Variants in NTM observed in about 807,000 individuals in gnomAD.
NTM encodes neurotrimin.
NTM carries 13 observed loss-of-function variants against 42.1 expected under a neutral mutation model. The observed-to-expected ratio is 0.31, with a 90% CI of 0.20 to 0.49. The LOEUF (loss-of-function observed/expected upper bound fraction) is 0.49. Among genes scored for constraint, NTM ranks in the 20% least tolerant of loss-of-function variants. NTM has a pLI of 0.99. For synonymous variants in NTM, 187 were observed against 179.2 expected (o/e 1.04, Z -0.35); for missense variants, 373 against 452.8 (o/e 0.82, Z 1.60).
At chr11:131,651,356 T>C (rs879668372) in intron 1 of NTM, among the ~76,000 whole-genome samples, 6 of 152,198 alleles carry the variant, frequency 3.9e-5, no homozygotes, top group Non-Finnish European at 7.3e-5. Context: ...ATTAAAAACA[T>C]TTATGGAGAA....
intron 1 of NTM, among the ~76,000 whole-genome samples, chr11:131,549,334 A>ATAT (rs1191914263): frequency 4.6e-5 from 7 of 152,312 alleles, no homozygotes; most frequent in African/African-American, 1.4e-4. Context: ...AATTATGTCT[A>ATAT]GGGTCACACC....
At chr11:131,811,564 G>T (rs1163327925) in intron 1 of NTM, among the ~76,000 whole-genome samples, 1 of 152,240 alleles carries the variant, frequency 6.6e-6, no homozygotes, top group African/African-American at 2.4e-5. Context: ...AGGGAGGGCT[G>T]CAGAGCAAGT....
At chr11:131,405,835 C>G (rs2218671) in intron 1 of NTM, among the ~76,000 whole-genome samples, 73,777 of 151,970 alleles carry the variant, frequency 0.49, 18,766 homozygotes, top group East Asian at 0.85. Flanking sequence ...TCCACTAACC[C>G]TGTCCCTCCT....
At chr11:131,627,105 A>C (rs907642474) in intron 1 of NTM, among the ~76,000 whole-genome samples, 3 of 152,152 alleles carry the variant, frequency 2.0e-5, no homozygotes, top group African/African-American at 7.2e-5. Flanking sequence ...GTGGCAATGA[A>C]ATTTCGATTA....
intron 1 of NTM, among the ~76,000 whole-genome samples, chr11:131,884,727 A>T (rs1291528242): frequency 6.6e-6 from 1 of 152,208 alleles, no homozygotes; most frequent in Non-Finnish European, 1.5e-5. Flanking sequence ...GAGGCTCGCC[A>T]TCCTATCTTG....
intron 1 of NTM, among the ~76,000 whole-genome samples, chr11:131,586,716 T>C (rs1440935809): frequency 6.6e-6 from 1 of 152,216 alleles, no homozygotes; most frequent in African/African-American, 2.4e-5. Flanking sequence ...CAGCAACAGA[T>C]AATTAATACA....
chr11:132,212,461 G>A (rs2083021389), intron 4 of NTM, among the ~76,000 whole-genome samples: 1 of 152,164 alleles, frequency 6.6e-6, no homozygotes, highest in African/African-American at 2.4e-5. Context: ...CAAAGCTTTA[G>A]TGGCAATTGT....
At chr11:131,907,702 G>A (rs2054068328) in intron 1 of NTM, among the ~76,000 whole-genome samples, 1 of 152,082 alleles carries the variant, frequency 6.6e-6, no homozygotes. Flanking sequence ...TTTCAAGGAG[G>A]CAGAAAGGAA....
chr11:131,876,393 A>G (rs1798455793), intron 1 of NTM, among the ~76,000 whole-genome samples: 1 of 151,802 alleles, frequency 6.6e-6, no homozygotes, highest in Non-Finnish European at 1.5e-5. Context: ...CCACATTCAG[A>G]CTCTCTGGCT....
At chr11:132,155,882 G>A (rs1462444128) in intron 3 of NTM, among the ~76,000 whole-genome samples, 2 of 152,222 alleles carry the variant, frequency 1.3e-5, no homozygotes, top group African/African-American at 4.8e-5. Flanking sequence ...GTGCAAAGGA[G>A]TGGGGTGCAG....
At chr11:132,102,460 C>T (rs1300630921) in intron 2 of NTM, among the ~76,000 whole-genome samples, 8 of 152,284 alleles carry the variant, frequency 5.3e-5, no homozygotes, top group East Asian at 1.9e-4. Context: ...GGACACACAA[C>T]GTGCTGTGCC....
intron 1 of NTM, among the ~76,000 whole-genome samples, chr11:131,879,829 A>G (rs535725838): frequency 5.3e-5 from 8 of 152,262 alleles, no homozygotes; most frequent in Non-Finnish European, 8.8e-5. Context: ...TAGATTCCAT[A>G]TATAGTCTTC....
At chr11:131,791,378 CTG>C (rs1267692961) in intron 1 of NTM, among the ~76,000 whole-genome samples, 1 of 152,288 alleles carries the variant, frequency 6.6e-6, no homozygotes, top group Admixed American at 6.5e-5. Context: ...TTGTTTTTGT[CTG>C]TGTTTATCCT....
chr11:132,033,516 C>T (rs1012700364), intron 2 of NTM, among the ~76,000 whole-genome samples: 1 of 152,112 alleles, frequency 6.6e-6, no homozygotes, highest in African/African-American at 2.4e-5. Context: ...GACAGAAGTC[C>T]AGTCTTGTCA....
intron 2 of NTM, among the ~76,000 whole-genome samples, chr11:132,130,155 A>C (rs1474987925): frequency 6.6e-6 from 1 of 152,222 alleles, no homozygotes; most frequent in Non-Finnish European, 1.5e-5. Flanking sequence ...TGATATTCCC[A>C]GAGGTGACCA....
intron 2 of NTM, among the ~76,000 whole-genome samples, chr11:131,985,025 G>A (rs2065850399): frequency 6.6e-6 from 1 of 152,094 alleles, no homozygotes; most frequent in Non-Finnish European, 1.5e-5. Flanking sequence ...TTGAGATCCA[G>A]ACTGAGTTGG....
chr11:131,912,067 C>T (rs1229260037), intron 2 of NTM, among the ~76,000 whole-genome samples: 1 of 152,152 alleles, frequency 6.6e-6, no homozygotes, highest in Admixed American at 6.5e-5. Context: ...GAGTGAATGC[C>T]CCCACTCGCC....
intron 1 of NTM, among the ~76,000 whole-genome samples, chr11:131,890,192 C>G (rs1057505326): frequency 4.0e-5 from 6 of 150,728 alleles, no homozygotes; most frequent in Non-Finnish European, 7.4e-5. Flanking sequence ...CTCTCTCTCT[C>G]TCACACACAC....
At chr11:131,626,168 G>A (rs904404482) in intron 1 of NTM, among the ~76,000 whole-genome samples, 1 of 151,990 alleles carries the variant, frequency 6.6e-6, no homozygotes, top group Non-Finnish European at 1.5e-5. Context: ...AAGAGTCATA[G>A]AAGAGAAGTC....
Sources: gnomAD v4.1 joint callset for allele counts (sites outside exome capture counted in the v4.1 genomes callset) on GRCh38, gnomAD v4.1.1 for gene constraint, MANE v1.5 for transcripts, NCBI Gene and HGNC (gene_info 2026-07-23, HGNC 2026-07-21) for gene names.